The following MED13 variants were observed in gnomAD, a reference collection of about 807,000 sequenced individuals.
MED13 encodes mediator complex subunit 13, also known as mediator of RNA polymerase II transcription subunit 13.
A neutral mutation model predicts 225.2 loss-of-function variants in MED13; 23 were observed. The observed-to-expected ratio is 0.10, with a 90% CI of 0.07 to 0.14. The LOEUF (loss-of-function observed/expected upper bound fraction) is 0.14, where lower values mean the gene tolerates loss of function less well. Among genes scored for constraint, MED13 ranks in the 10% least tolerant of loss-of-function variants. The pLI, the probability that MED13 is intolerant of heterozygous loss-of-function variation, is 1.00. For missense variants in MED13, 2,197 were observed against 2,594.5 expected, an observed-to-expected ratio of 0.85 and a Z score of 3.33; for synonymous variants, 942 against 889.2, an observed-to-expected ratio of 1.06 and a Z score of -1.06.
At chr17:62,003,055 C>CTGGGGA (rs1417356885) in intron 9 of MED13, among the ~76,000 whole-genome samples, 1 of 152,078 alleles carries the variant, frequency 6.6e-6, no homozygotes, top group Non-Finnish European at 1.5e-5. Flanking sequence ...CAAATGTTAC[C>CTGGGGA]TGGGGATGGG....
chr17:62,030,920 A>G (rs2080749543), intron 6 of MED13: 1 of 152,264 alleles, frequency 6.6e-6, no homozygotes, highest in Non-Finnish European at 1.5e-5. Flanking sequence ...CAGTTACTGT[A>G]AAAGCTTGGG....
intron 9 of MED13, among the ~76,000 whole-genome samples, chr17:62,008,322 A>AAAAAAAAAAAG (rs2080474012): frequency 7.1e-6 from 1 of 141,766 alleles, no homozygotes; most frequent in Non-Finnish European, 1.5e-5. Flanking sequence ...TGTCTCAAAA[A>AAAAAAAAAAAG]AAAAAAAAAA....
At chr17:62,002,517 A>T (rs2143549097) in intron 9 of MED13, among the ~76,000 whole-genome samples, 1 of 151,860 alleles carries the variant, frequency 6.6e-6, no homozygotes, top group Admixed American at 6.6e-5. Context: ...AAAGCCATCA[A>T]AAGAGAATAA....
intron 20 of MED13, among the ~76,000 whole-genome samples, chr17:61,963,356 C>G (rs1603392483): frequency 1.3e-5 from 2 of 151,738 alleles, no homozygotes; most frequent in African/African-American, 2.4e-5. Flanking sequence ...TCTCAAATAG[C>G]TTACCAAATT....
At chr17:61,948,308 T>C (rs534133052) in intron 28 of MED13, among the ~76,000 whole-genome samples, 16 of 152,250 alleles carry the variant, frequency 1.1e-4, no homozygotes, top group Middle Eastern at 3.4e-3. Flanking sequence ...TATCTAAGGG[T>C]GAATGCCCGC....
chr17:61,948,948 C>G (rs187325081), intron 28 of MED13, among the ~76,000 whole-genome samples: 2 of 151,232 alleles, frequency 1.3e-5, no homozygotes, highest in East Asian at 4.0e-4. Flanking sequence ...ATTAGCCGGG[C>G]GTAGTGGCGG....
At chr17:62,027,510 C>A (rs987542851) in intron 8 of MED13, among the ~76,000 whole-genome samples, 4 of 152,088 alleles carry the variant, frequency 2.6e-5, no homozygotes, top group Admixed American at 1.3e-4. Context: ...CCACTCTGGA[C>A]ACAGAAATGG....
At chr17:61,963,152 T>C (rs2080018558) in intron 20 of MED13, among the ~76,000 whole-genome samples, 181 bp from the exon 21 acceptor site, 1 of 139,926 alleles carries the variant, frequency 7.1e-6, no homozygotes, top group Admixed American at 7.5e-5. Context: ...TACATACAAT[T>C]TCACAGTGTA....
At chr17:62,035,647 G>A in intron 3 of MED13, 39 bp from the exon 4 acceptor site, 1 of 1,565,546 alleles carries the variant, frequency 6.4e-7, no homozygotes, top group Non-Finnish European at 8.6e-7. Flanking sequence ...GTGATGACTA[G>A]TGGCCAAAAA....
At chr17:61,987,688 C>T (rs1339844700) in intron 11 of MED13, among the ~76,000 whole-genome samples, 3 of 152,042 alleles carry the variant, frequency 2.0e-5, no homozygotes, top group Non-Finnish European at 4.4e-5. Flanking sequence ...ATAATTAATG[C>T]ATCAAATAAA....
rs2080726362 is a variant in MED13, at chr17:62,028,786, A to G, written c.1283+755T>C. 1.3e-5 allele frequency among the ~76,000 whole-genome samples: 2 copies of G among 152,042 alleles called. 1 individual carries two copies. Among genetic ancestry groups the G allele is most frequent in the South Asian group, 4.2e-4 (2 of 4,808 alleles). On this transcript the variant is annotated intron_variant, in intron 8 of 29. Transcript: ENST00000397786. Reference sequence around the variant, plus strand: ...CGTGAACCCGGGAGGTGGAGCTTGCAGTGAGCCGAGATCACGCCACTGCAC... The same window carrying G: ...CGTGAACCCGGGAGGTGGAGCTTGCGGTGAGCCGAGATCACGCCACTGCAC...
intron 16 of MED13, among the ~76,000 whole-genome samples, chr17:61,976,820 T>G (rs1222651641): frequency 1.3e-5 from 2 of 152,086 alleles, no homozygotes; most frequent in Admixed American, 1.3e-4. Context: ...TAGTCCCAGC[T>G]ACTGGAGAGG....
intron 5 of MED13, 38 bp downstream of exon 5, chr17:62,033,749 T>G: frequency 6.3e-7 from 1 of 1,583,194 alleles, no homozygotes; most frequent in Non-Finnish European, 8.6e-7. Context: ...CATACAATCA[T>G]GCATTTTCCC....
intron 23 of MED13, among the ~76,000 whole-genome samples, chr17:61,959,773 C>T (rs533986277): frequency 1.4e-5 from 2 of 145,758 alleles, no homozygotes; most frequent in Non-Finnish European, 3.0e-5. Flanking sequence ...CTGTCGCCCA[C>T]GTTAAAGTGC....
chr17:62,009,119 ATAGG>A (rs1314242142), intron 9 of MED13, among the ~76,000 whole-genome samples: 1 of 152,216 alleles, frequency 6.6e-6, no homozygotes, highest in African/African-American at 2.4e-5. Context: ...GTACTAATAA[ATAGG>A]TAGACAGTTC....
At chr17:61,989,953 G>A (rs914567586) in intron 11 of MED13, among the ~76,000 whole-genome samples, 9 of 152,210 alleles carry the variant, frequency 5.9e-5, no homozygotes, top group African/African-American at 1.9e-4. Context: ...AGATCACTCC[G>A]GCAAAGAATC....
At chr17:62,003,623 C>CAAAAAAAAAAAAAAAA (rs1335956503) in intron 9 of MED13, 2 of 86,078 alleles carry the variant, frequency 2.3e-5, no homozygotes, top group African/African-American at 1.0e-4. Context: ...AAAAAAAAAG[C>CAAAAAAAAAAAAAAAA]AAAAAGTGAA....
chr17:61,976,446 G>T (rs1033103084), intron 16 of MED13, among the ~76,000 whole-genome samples: 3 of 152,148 alleles, frequency 2.0e-5, no homozygotes, highest in Admixed American at 6.6e-5. Flanking sequence ...CGGGTAGGGG[G>T]TTTAATATGA....
intron 9 of MED13, among the ~76,000 whole-genome samples, chr17:62,008,646 T>C (rs2080477396): frequency 6.6e-6 from 1 of 151,800 alleles, no homozygotes. Context: ...TTTTCAGAAA[T>C]ACAAAGGATG....
Sources: allele counts gnomAD v4.1 joint callset (sites outside exome capture counted in the v4.1 genomes callset), GRCh38; gene constraint gnomAD v4.1.1; transcripts MANE v1.5; gene names NCBI Gene and HGNC (gene_info 2026-07-23, HGNC 2026-07-21).